Variants in SERGEF observed in about 807,000 individuals in gnomAD.
SERGEF encodes the protein secretion-regulating guanine nucleotide exchange factor.
SERGEF carries 51 observed loss-of-function variants against 50.0 expected under a neutral mutation model. The observed-to-expected ratio is 1.02, with a 90% CI of 0.81 to 1.29. SERGEF has a LOEUF of 1.29. SERGEF is among the 50% of genes most tolerant of loss of function. The probability of loss-of-function intolerance (pLI) is 0.00; values close to 1 mark genes in which losing one functional copy is unlikely to be tolerated. For missense variants in SERGEF, 521 were observed against 557.0 expected, an observed-to-expected ratio of 0.94 and a Z score of 0.65; for synonymous variants, 205 against 212.4, an observed-to-expected ratio of 0.97 and a Z score of 0.30.
chr11:17,974,866 A>G (rs1853334922), intron 8 of SERGEF, among the ~76,000 whole-genome samples: 1 of 152,344 alleles, frequency 6.6e-6, no homozygotes, highest in Admixed American at 6.5e-5. Context: ...ATTCTAAAAA[A>G]GGACATTGCT....
chr11:17,857,358 C>T (rs1850840094), intron 10 of SERGEF, among the ~76,000 whole-genome samples: 1 of 152,112 alleles, frequency 6.6e-6, no homozygotes, highest in Non-Finnish European at 1.5e-5. Context: ...GTTCTATGAC[C>T]CCAGGGTTCT....
At chr11:17,857,776 T>C (rs979253963) in intron 10 of SERGEF, among the ~76,000 whole-genome samples, 1 of 152,232 alleles carries the variant, frequency 6.6e-6, no homozygotes, top group Non-Finnish European at 1.5e-5. Flanking sequence ...TGGGACCACT[T>C]TCTCTATCCT....
At chr11:17,799,111 G>A (rs919834325) in intron 10 of SERGEF, among the ~76,000 whole-genome samples, 1 of 152,156 alleles carries the variant, frequency 6.6e-6, no homozygotes, top group African/African-American at 2.4e-5. Context: ...TGACCTGGTA[G>A]CTTGTCCCCA....
At chr11:18,012,930 C>G in intron 1 of SERGEF, 21 bp downstream of exon 1, 1 of 1,519,648 alleles carries the variant, frequency 6.6e-7, no homozygotes, top group Non-Finnish European at 8.8e-7. Flanking sequence ...CCTGCACCGG[C>G]CCGGGGGCGG....
At chr11:17,999,656 G>C in intron 5 of SERGEF, 1 of 436,000 alleles carries the variant, frequency 2.3e-6, no homozygotes, top group Non-Finnish European at 4.6e-6. Flanking sequence ...CCACCTCCCT[G>C]TCCCCCTCAC....
intron 9 of SERGEF, among the ~76,000 whole-genome samples, chr11:17,916,050 C>G (rs1852042860): frequency 6.6e-6 from 1 of 152,204 alleles, no homozygotes; most frequent in Non-Finnish European, 1.5e-5. Context: ...GCAAGTAAAA[C>G]CTTTTTTTTT....
intron 10 of SERGEF, among the ~76,000 whole-genome samples, chr11:17,837,873 G>C (rs993665876): frequency 6.6e-6 from 1 of 151,902 alleles, no homozygotes; most frequent in Admixed American, 6.6e-5. Context: ...CACTATGTTG[G>C]TCAGGCTGGT....
At chr11:17,984,813 A>G (rs1234699342) in intron 8 of SERGEF, among the ~76,000 whole-genome samples, 1 of 152,212 alleles carries the variant, frequency 6.6e-6, no homozygotes, top group Non-Finnish European at 1.5e-5. Flanking sequence ...TTATTCATTC[A>G]GCACTTAGTT....
At chr11:17,877,332 A>G (rs1454473995) in intron 10 of SERGEF, among the ~76,000 whole-genome samples, 1 of 152,206 alleles carries the variant, frequency 6.6e-6, no homozygotes, top group Non-Finnish European at 1.5e-5. Flanking sequence ...ACAGATGGGG[A>G]AACTAAAGCC....
intron 9 of SERGEF, among the ~76,000 whole-genome samples, chr11:17,905,086 A>T (rs1851812859): frequency 4.6e-5 from 7 of 152,256 alleles, no homozygotes; most frequent in Admixed American, 4.6e-4. Context: ...GAATATGGGT[A>T]CACATTTCTG....
chr11:17,880,573 CAAAATGTT>C (rs1373099497), intron 9 of SERGEF, among the ~76,000 whole-genome samples: 4 of 151,946 alleles, frequency 2.6e-5, no homozygotes. Flanking sequence ...GGAGATACAT[CAAAATGTT>C]AACAATGAGT....
intron 9 of SERGEF, among the ~76,000 whole-genome samples, chr11:17,913,563 G>C (rs1458027610): frequency 1.3e-5 from 2 of 152,160 alleles, no homozygotes; most frequent in African/African-American, 4.8e-5. Flanking sequence ...GTAGCTTTGG[G>C]GGGTACTGAG....
chr11:17,988,272 T>C (rs1454034686), intron 8 of SERGEF, among the ~76,000 whole-genome samples: 1 of 152,220 alleles, frequency 6.6e-6, no homozygotes, highest in African/African-American at 2.4e-5. Flanking sequence ...GACATGCAAA[T>C]AGCTATGACA....
At chr11:17,890,936 T>C (rs1300460402) in intron 9 of SERGEF, among the ~76,000 whole-genome samples, 2 of 152,060 alleles carry the variant, frequency 1.3e-5, no homozygotes, top group African/African-American at 4.8e-5. Flanking sequence ...AATTTGAGCA[T>C]CAAAATAAAT....
At chr11:17,997,713 G>T (rs1342911204) in intron 5 of SERGEF, among the ~76,000 whole-genome samples, 2 of 152,116 alleles carry the variant, frequency 1.3e-5, no homozygotes, top group Non-Finnish European at 2.9e-5. Context: ...TCTAAACGCC[G>T]ATATATCCTA....
At chr11:17,887,578 G>A (rs1450946364) in intron 9 of SERGEF, among the ~76,000 whole-genome samples, 3 of 152,148 alleles carry the variant, frequency 2.0e-5, no homozygotes, top group Admixed American at 6.5e-5. Context: ...AAGTACTAAC[G>A]AGGATGTGAA....
In SERGEF at chr11:17,988,615, G is replaced by T; in HGVS notation, c.826C>A (p.His276Asn). Reference sequence around the variant, plus strand: ...GTCTCACCTGTCTGAGCAACCAGGTGTGTCCATCCACTCCAGATGGCAGTG... The same window carrying T: ...GTCTCACCTGTCTGAGCAACCAGGTTTGTCCATCCACTCCAGATGGCAGTG... ...KVTAIWSGWTHLVAQTETGKM... is the reference protein window; with the variant it reads ...KVTAIWSGWTNLVAQTETGKM... Residue 276 changes from histidine to asparagine, a missense_variant, in exon 8 of 11, where the codon CAC becomes AAC. Coordinates refer to ENST00000265965, the MANE Select transcript of SERGEF (RefSeq NM_012139.4). The T allele has an allele frequency of 6.2e-7, 1 of 1,614,096 alleles. No individual in the cohort carries two copies. The highest frequency in any genetic ancestry group is 8.5e-7 in the Non-Finnish European group (1 of 1,180,012).
At chr11:17,883,352 C>G (rs1403719781) in intron 9 of SERGEF, among the ~76,000 whole-genome samples, 1 of 152,182 alleles carries the variant, frequency 6.6e-6, no homozygotes, top group African/African-American at 2.4e-5. Flanking sequence ...AAATGCTTGC[C>G]AACTGTTGGA....
intron 10 of SERGEF, among the ~76,000 whole-genome samples, chr11:17,832,360 C>T (rs1565179972): frequency 6.6e-6 from 1 of 152,188 alleles, no homozygotes. Flanking sequence ...AGTTGCTCAT[C>T]CTTGCCTTCC....
Sources: allele counts gnomAD v4.1 joint callset (sites outside exome capture counted in the v4.1 genomes callset), GRCh38; gene constraint gnomAD v4.1.1; transcripts MANE v1.5; gene names NCBI Gene and HGNC (gene_info 2026-07-23, HGNC 2026-07-21).